Variants in CACNG3 observed in about 807,000 individuals in gnomAD.
CACNG3 encodes the protein voltage-dependent calcium channel gamma-3 subunit.
CACNG3 carries 3 observed loss-of-function variants against 28.5 expected under a neutral mutation model. That is an observed-to-expected ratio of 0.11 (90% confidence interval 0.05 to 0.27). CACNG3 has a LOEUF of 0.27. CACNG3 is among the 10% of genes least tolerant of loss of function. The probability of loss-of-function intolerance (pLI) is 1.00; values close to 1 mark genes in which losing one functional copy is unlikely to be tolerated. For synonymous variants in CACNG3, 174 were observed against 162.2 expected, an observed-to-expected ratio of 1.07 and a Z score of -0.55; for missense variants, 236 against 414.4, an observed-to-expected ratio of 0.57 and a Z score of 3.74.
At chr16:24,327,467 C>G (rs1199487701) in intron 1 of CACNG3, among the ~76,000 whole-genome samples, 1 of 129,462 alleles carries the variant, frequency 7.7e-6, no homozygotes, top group African/African-American at 3.0e-5. Flanking sequence ...CACACACACA[C>G]ACACACACAC....
chr16:24,351,416 A>G (rs1330677831), intron 2 of CACNG3, among the ~76,000 whole-genome samples: 1 of 151,860 alleles, frequency 6.6e-6, no homozygotes, highest in Non-Finnish European at 1.5e-5. Context: ...AACTAAAAAT[A>G]CAAAAATTAG....
chr16:24,325,192 A>T (rs188668373), intron 1 of CACNG3, among the ~76,000 whole-genome samples: 315 of 152,304 alleles, frequency 2.1e-3, no homozygotes, highest in African/African-American at 7.0e-3. Flanking sequence ...AATATCAGCC[A>T]ATTCTTTAAT....
intron 1 of CACNG3, among the ~76,000 whole-genome samples, chr16:24,331,674 C>G (rs1017496220): frequency 1.1e-4 from 17 of 152,212 alleles, no homozygotes; most frequent in African/African-American, 4.1e-4. Context: ...CTGTAAGAAG[C>G]TCGGTGATGT....
At chr16:24,303,443 G>A (rs1034536005) in intron 1 of CACNG3, among the ~76,000 whole-genome samples, 3 of 152,074 alleles carry the variant, frequency 2.0e-5, no homozygotes, top group African/African-American at 7.2e-5. Context: ...TCCTGCCTCA[G>A]ACTCCTAAAG....
chr16:24,314,640 G>A (rs942836169), intron 1 of CACNG3, among the ~76,000 whole-genome samples: 9 of 152,084 alleles, frequency 5.9e-5, no homozygotes, highest in African/African-American at 1.9e-4. Context: ...CAACCCTCAC[G>A]GTATAGATAT....
At chr16:24,339,927 G>A (rs1052479648) in intron 1 of CACNG3, among the ~76,000 whole-genome samples, 1 of 152,144 alleles carries the variant, frequency 6.6e-6, no homozygotes, top group Non-Finnish European at 1.5e-5. Context: ...CTAGAAGGGA[G>A]GAATACATTC....
chr16:24,331,928 G>C (rs1420781298), intron 1 of CACNG3, among the ~76,000 whole-genome samples: 2 of 152,110 alleles, frequency 1.3e-5, no homozygotes, highest in South Asian at 2.1e-4. Flanking sequence ...TCTCACGACT[G>C]TCCTCCCCCA....
At chr16:24,262,421 C>G (rs892682208) in intron 1 of CACNG3, among the ~76,000 whole-genome samples, 5 of 152,180 alleles carry the variant, frequency 3.3e-5, no homozygotes, top group South Asian at 2.1e-4. Flanking sequence ...AATAGTCAGA[C>G]AGAATGTGTC....
intron 1 of CACNG3, among the ~76,000 whole-genome samples, chr16:24,331,794 T>G (rs1181924444): frequency 6.6e-6 from 1 of 152,122 alleles, no homozygotes; most frequent in Non-Finnish European, 1.5e-5. Flanking sequence ...GTGCCATACT[T>G]CCCCAAGGCC....
intron 2 of CACNG3, 33 bp from the exon 3 acceptor site, chr16:24,354,800 C>A: frequency 1.2e-6 from 2 of 1,603,588 alleles, no homozygotes; most frequent in African/African-American, 1.3e-5. Flanking sequence ...GCTGGCTGGG[C>A]ACAGGCAGAA....
chr16:24,283,755 T>C (rs1898859719), intron 1 of CACNG3, among the ~76,000 whole-genome samples: 2 of 152,202 alleles, frequency 1.3e-5, no homozygotes, highest in African/African-American at 4.8e-5. Context: ...GAACAGTGTT[T>C]CTCAAAGTGT....
At position 24,301,372 on chromosome 16, in the gene CACNG3, C is replaced by T. The variant is rs149896483; in HGVS notation, c.211+44407C>T. Among the ~76,000 whole-genome samples, 5 of 152,166 alleles carry T rather than the reference C, an allele frequency of 3.3e-5. No homozygotes were observed. The East Asian group carries it at 9.6e-4, about 29-fold the overall frequency. On this transcript the variant is annotated intron_variant, in intron 1 of 3. Coordinates refer to ENST00000005284, the MANE Select transcript of CACNG3 (RefSeq NM_006539.4). ...TTTCCTGAGCTGATGAGCTTCCAGA[C>T]AACTTGGAATCTAGATTCTGTGGAG...
chr16:24,312,814 G>C (rs1421641729), intron 1 of CACNG3, among the ~76,000 whole-genome samples: 1 of 150,586 alleles, frequency 6.6e-6, no homozygotes, highest in Non-Finnish European at 1.5e-5. Flanking sequence ...GTGAGACCTT[G>C]TCTGAAAAAA....
At chr16:24,334,246 T>C (rs1446520957) in intron 1 of CACNG3, among the ~76,000 whole-genome samples, 2 of 152,158 alleles carry the variant, frequency 1.3e-5, no homozygotes, top group African/African-American at 2.4e-5. Context: ...GGGCCTGGAA[T>C]GTGGTTGCAC....
At chr16:24,311,439 G>A (rs964765148) in intron 1 of CACNG3, among the ~76,000 whole-genome samples, 1 of 151,936 alleles carries the variant, frequency 6.6e-6, no homozygotes, top group East Asian at 1.9e-4. Flanking sequence ...AACCTGGGAG[G>A]CAGAAGTTGT....
intron 1 of CACNG3, among the ~76,000 whole-genome samples, chr16:24,302,831 C>A (rs756962009): frequency 2.0e-5 from 3 of 151,902 alleles, no homozygotes; most frequent in Non-Finnish European, 2.9e-5. Context: ...GGTTAATTTT[C>A]GTATTTTCAG....
intron 1 of CACNG3, among the ~76,000 whole-genome samples, chr16:24,307,713 T>G (rs1020636371): frequency 6.6e-6 from 1 of 152,220 alleles, no homozygotes; most frequent in African/African-American, 2.4e-5. Context: ...AAATGGATGA[T>G]GAACAGAGCA....
intron 1 of CACNG3, among the ~76,000 whole-genome samples, chr16:24,341,546 T>TG (rs1487049839): frequency 6.6e-6 from 1 of 152,210 alleles, no homozygotes; most frequent in African/African-American, 2.4e-5. Context: ...GAACAGCAAC[T>TG]GGCGTAATAA....
intron 1 of CACNG3, among the ~76,000 whole-genome samples, chr16:24,330,980 T>C (rs910663787): frequency 1.1e-4 from 17 of 152,204 alleles, no homozygotes; most frequent in African/African-American, 3.9e-4. Flanking sequence ...ATGGTTTTTG[T>C]AAACATCAAA....
Sources: allele counts gnomAD v4.1 joint callset (sites outside exome capture counted in the v4.1 genomes callset), GRCh38; gene constraint gnomAD v4.1.1; transcripts MANE v1.5; gene names NCBI Gene and HGNC (gene_info 2026-07-23, HGNC 2026-07-21).